Variants in MLLT3 observed in about 807,000 individuals in gnomAD.
MLLT3 encodes the protein MLLT3 super elongation complex subunit.
In MLLT3, 4 loss-of-function variants were observed where a neutral mutation model predicts 53.2. That is an observed-to-expected ratio of 0.08 (90% CI 0.04 to 0.17). MLLT3 has a LOEUF of 0.17. Among genes scored for constraint, MLLT3 ranks in the 10% least tolerant of loss-of-function variants. MLLT3 has a pLI of 1.00. For missense variants in MLLT3, 569 were observed against 684.0 expected, an observed-to-expected ratio of 0.83 and a Z score of 1.87; for synonymous variants, 283 against 230.6, an observed-to-expected ratio of 1.23 and a Z score of -2.06.
chr9:20,588,902 T>G (rs913825505), intron 2 of MLLT3, among the ~76,000 whole-genome samples: 10 of 151,608 alleles, frequency 6.6e-5, no homozygotes, highest in African/African-American at 9.7e-5. Context: ...CTCACACCAG[T>G]TAGAATGGCA....
chr9:20,514,842 C>G (rs537796092), intron 2 of MLLT3, among the ~76,000 whole-genome samples: 1 of 152,086 alleles, frequency 6.6e-6, no homozygotes, highest in South Asian at 2.1e-4. Flanking sequence ...TCCAAGAAAC[C>G]AGTATTGTGT....
At chr9:20,572,009 C>T (rs1354264203) in intron 2 of MLLT3, among the ~76,000 whole-genome samples, 1 of 152,194 alleles carries the variant, frequency 6.6e-6, no homozygotes, top group Non-Finnish European at 1.5e-5. Flanking sequence ...ACATGATCCA[C>T]CAATTTCACT....
chr9:20,354,961 T>C, intron 8 of MLLT3, 82 bp from the exon 9 acceptor site: 2 of 878,534 alleles, frequency 2.3e-6, no homozygotes, highest in Admixed American at 1.8e-5. Context: ...AGGCATCCAC[T>C]GAATGAAATG....
At chr9:20,431,606 G>T (rs61527944) in intron 4 of MLLT3, among the ~76,000 whole-genome samples, 25,669 of 151,786 alleles carry the variant, frequency 0.17, 5,201 homozygotes, top group African/African-American at 0.48. Flanking sequence ...ATGGAAAACC[G>T]GTTTCTTACT....
chr9:20,484,601 C>T (rs1405366706), intron 2 of MLLT3, among the ~76,000 whole-genome samples: 1 of 152,146 alleles, frequency 6.6e-6, no homozygotes, highest in East Asian at 1.9e-4. Flanking sequence ...TGCCCCACCA[C>T]ATACCGCCAT....
Position 20,621,866 on chromosome 9 carries a change from T to C in MLLT3, c.12+379A>G. ...GCCCGCAGCTCCCGGCGGCGGCGGC[T>C]GAAATATGGCTGAGTTATTATTCGC... On this transcript the variant is annotated intron_variant, in intron 1 of 10. Coordinates refer to ENST00000380338, the MANE Select transcript of MLLT3 (RefSeq NM_004529.4). This position sits in a 1 kb window ranked among gnomAD's most constrained non-coding sequence, Gnocchi z 7.0. 7.3e-7 allele frequency: 1 copy of C among 1,378,980 alleles called. No individual in the cohort carries two copies. Among genetic ancestry groups the C allele is most frequent in the Non-Finnish European group, 9.3e-7 (1 of 1,075,500 alleles). 85.4% of individuals were successfully genotyped at this position (1,378,980 alleles called of 1,614,324 possible).
intron 2 of MLLT3, among the ~76,000 whole-genome samples, chr9:20,513,071 A>T (rs1817799819): frequency 6.6e-6 from 1 of 152,238 alleles, no homozygotes. Flanking sequence ...AGTAGCCATA[A>T]ATTCTAGTCT....
chr9:20,543,996 C>A (rs1272894896), intron 2 of MLLT3, among the ~76,000 whole-genome samples: 2 of 152,062 alleles, frequency 1.3e-5, no homozygotes, highest in African/African-American at 4.8e-5. Flanking sequence ...TAGTACTGTC[C>A]TAAAGACAGA....
At chr9:20,512,046 T>C (rs1285533921) in intron 2 of MLLT3, among the ~76,000 whole-genome samples, 1 of 152,180 alleles carries the variant, frequency 6.6e-6, no homozygotes, top group Admixed American at 6.5e-5. Flanking sequence ...CCCCCAAGTC[T>C]GAGCTGAAGA....
At chr9:20,366,148 C>T (rs13286927) in intron 5 of MLLT3, among the ~76,000 whole-genome samples, 29,734 of 152,084 alleles carry the variant, frequency 0.2, 3,908 homozygotes, top group Middle Eastern at 0.33. Flanking sequence ...TTACTGCACC[C>T]ATCAACCCAT....
chr9:20,353,774 G>C (rs561348887), intron 9 of MLLT3, among the ~76,000 whole-genome samples, 178 bp from the exon 10 acceptor site: 1 of 152,312 alleles, frequency 6.6e-6, no homozygotes, highest in Admixed American at 6.5e-5. Flanking sequence ...GCCTGTCTTG[G>C]ACCAGTCATT....
At position 20,345,583 on chromosome 9, in the gene MLLT3, A is replaced by G. The variant is rs770100100; in HGVS notation, c.*860T>C. On this transcript the variant is annotated 3_prime_UTR_variant, in exon 11 of 11. Transcript: ENST00000380338. ...CAGTAAAACAGACACAAGAATGTTG[A>G]TGACAGCTCAACAATGCTGGATTCA... 1.5e-5 allele frequency: 3 copies of G among 205,300 alleles called. No homozygotes were observed. Among genetic ancestry groups the G allele is most frequent in the Non-Finnish European group, 2.0e-5 (2 of 100,398 alleles). The allele number at this position is 205,300 out of a possible 1,614,324, so 12.7% of individuals were successfully genotyped here.
chr9:20,433,896 T>C (rs113514974), intron 4 of MLLT3, among the ~76,000 whole-genome samples: 7,393 of 151,096 alleles, frequency 0.049, 493 homozygotes, highest in African/African-American at 0.14. Context: ...GAGCAGATCA[T>C]GAGGTCAAGA....
intron 9 of MLLT3, 127 bp from the exon 10 acceptor site, chr9:20,353,723 A>T (rs1821094263): frequency 1.3e-6 from 1 of 776,424 alleles, no homozygotes; most frequent in Admixed American, 2.0e-5. Flanking sequence ...ACTCTAGCCC[A>T]GGCTGTGTGC....
In MLLT3 at chr9:20,446,098, A is replaced by C. The variant is rs7043122; in HGVS notation, c.420+2025T>G. Among the ~76,000 whole-genome samples, 861 of 152,310 alleles carry C rather than the reference A, an allele frequency of 5.7e-3. 9 individuals are homozygous for C. Among genetic ancestry groups the C allele is most frequent in the African/African-American group, 0.019 (787 of 41,580 alleles). ...AGTTTATTTTAATCTTCCCATATGA[A>C]ATAGACAGAATCTGTGGAATTATTA... On this transcript the variant is annotated intron_variant, in intron 4 of 10. Coordinates refer to ENST00000380338, the MANE Select transcript of MLLT3 (RefSeq NM_004529.4).
intron 2 of MLLT3, among the ~76,000 whole-genome samples, chr9:20,476,608 C>A (rs887771264): frequency 6.6e-6 from 1 of 152,082 alleles, no homozygotes; most frequent in Admixed American, 6.6e-5. Flanking sequence ...TATAAAATTA[C>A]ACCAGAGGCT....
intron 2 of MLLT3, among the ~76,000 whole-genome samples, chr9:20,462,494 A>G (rs1374851319): frequency 2.0e-5 from 3 of 152,180 alleles, no homozygotes; most frequent in Non-Finnish European, 4.4e-5. Context: ...ACGTTCATAA[A>G]GTTTTAAAGA....
chr9:20,485,518 C>A (rs1050988805), intron 2 of MLLT3, among the ~76,000 whole-genome samples: 1 of 152,106 alleles, frequency 6.6e-6, no homozygotes, highest in Non-Finnish European at 1.5e-5. Context: ...TCGAATAATT[C>A]ATTTACTATA....
intron 5 of MLLT3, among the ~76,000 whole-genome samples, chr9:20,405,644 G>A (rs1027426020): frequency 6.6e-6 from 1 of 152,194 alleles, no homozygotes; most frequent in Non-Finnish European, 1.5e-5. Context: ...GGTCTACCAT[G>A]GAGGGAGTAG....
Sources: gnomAD v4.1 joint callset for allele counts (sites outside exome capture counted in the v4.1 genomes callset) on GRCh38, gnomAD v4.1.1 for gene constraint, Gnocchi (gnomAD v3.1) non-coding constraint, MANE v1.5 for transcripts, NCBI Gene and HGNC (gene_info 2026-07-23, HGNC 2026-07-21) for gene names.